The following NRXN1 variants were observed in gnomAD, a reference collection of about 807,000 sequenced individuals.
NRXN1 encodes the protein neurexin-1.
A neutral mutation model predicts 150.9 loss-of-function variants in NRXN1; 39 were observed. The observed-to-expected ratio is 0.26, with a 90% CI of 0.20 to 0.34. The LOEUF (loss-of-function observed/expected upper bound fraction) is 0.34, where lower values mean the gene tolerates loss of function less well. Among genes scored for constraint, NRXN1 ranks in the 10% least tolerant of loss-of-function variants. The probability of loss-of-function intolerance (pLI) is 1.00; values close to 1 mark genes in which losing one functional copy is unlikely to be tolerated. For synonymous variants in NRXN1, 924 were observed against 757.0 expected, an observed-to-expected ratio of 1.22 and a Z score of -3.62; for missense variants, 1,815 against 1,949.9, an observed-to-expected ratio of 0.93 and a Z score of 1.30.
chr2:50,556,344 A>C (rs1668251348), intron 8 of NRXN1, among the ~76,000 whole-genome samples: 1 of 152,086 alleles, frequency 6.6e-6, no homozygotes, highest in Non-Finnish European at 1.5e-5. Context: ...GGAACACCTT[A>C]TAATTATTCA....
intron 2 of NRXN1, among the ~76,000 whole-genome samples, chr2:50,988,581 C>T (rs1391544094): frequency 6.6e-6 from 1 of 151,912 alleles, no homozygotes; most frequent in Non-Finnish European, 1.5e-5. Context: ...TCTAAATCCC[C>T]TCTCCTGTTT....
At chr2:50,245,818 T>C (rs931288989) in intron 17 of NRXN1, among the ~76,000 whole-genome samples, 1 of 151,584 alleles carries the variant, frequency 6.6e-6, no homozygotes, top group African/African-American at 2.4e-5. Context: ...GTGAGTAAAT[T>C]TTCCAATTTA....
At chr2:50,098,802 A>G (rs1700579341) in intron 18 of NRXN1, among the ~76,000 whole-genome samples, 1 of 123,426 alleles carries the variant, frequency 8.1e-6, no homozygotes. Context: ...GGGTTACTAC[A>G]GGGTGCATGG....
chr2:50,063,748 T>C (rs991667047), intron 19 of NRXN1, among the ~76,000 whole-genome samples: 1 of 152,150 alleles, frequency 6.6e-6, no homozygotes, highest in African/African-American at 2.4e-5. Context: ...ATAATCATGA[T>C]CAAAGAAGTT....
chr2:50,573,421 G>A (rs1398887189), intron 8 of NRXN1, among the ~76,000 whole-genome samples: 1 of 151,872 alleles, frequency 6.6e-6, no homozygotes, highest in African/African-American at 2.4e-5. Context: ...GGTCTCAGAT[G>A]AAGGACCTGG....
chr2:50,358,069 T>G (rs1307449152), intron 17 of NRXN1, among the ~76,000 whole-genome samples: 1 of 152,154 alleles, frequency 6.6e-6, no homozygotes, highest in Non-Finnish European at 1.5e-5. Context: ...GCTTTTCCCA[T>G]GGTCTTCACC....
intron 5 of NRXN1, among the ~76,000 whole-genome samples, chr2:50,768,600 T>C (rs1702630593): frequency 6.6e-6 from 1 of 151,906 alleles, no homozygotes; most frequent in South Asian, 2.1e-4. Context: ...TTAGGGTTTC[T>C]ATTTCTTTTC....
intron 21 of NRXN1, among the ~76,000 whole-genome samples, chr2:49,978,148 G>A (rs574907113): frequency 3.9e-5 from 6 of 152,160 alleles, no homozygotes; most frequent in South Asian, 4.1e-4. Flanking sequence ...GTGACAGAGC[G>A]AGACTCCATC....
intron 17 of NRXN1, among the ~76,000 whole-genome samples, chr2:50,422,325 A>G (rs568360893): frequency 2.6e-5 from 4 of 152,296 alleles, no homozygotes; most frequent in South Asian, 2.1e-4. Context: ...AGCCTAGAGT[A>G]AAAACAAAGA....
chr2:50,292,042 C>A (rs895188332), intron 17 of NRXN1, among the ~76,000 whole-genome samples: 1 of 152,134 alleles, frequency 6.6e-6, no homozygotes, highest in African/African-American at 2.4e-5. Flanking sequence ...GGTTACCACC[C>A]TTCAACTTGA....
intron 21 of NRXN1, among the ~76,000 whole-genome samples, chr2:49,948,602 G>GT (rs1673373463): frequency 1.3e-5 from 2 of 151,962 alleles, no homozygotes; most frequent in African/African-American, 4.8e-5. Flanking sequence ...AGTGGCTCAA[G>GT]TGTAGGGGAA....
At chr2:50,105,966 T>A (rs1573942159) in intron 18 of NRXN1, among the ~76,000 whole-genome samples, 1 of 151,980 alleles carries the variant, frequency 6.6e-6, no homozygotes, top group East Asian at 1.9e-4. Context: ...ATTGATCCAT[T>A]AGAAGTAATT....
intron 2 of NRXN1, among the ~76,000 whole-genome samples, chr2:51,002,963 G>C (rs1700257303): frequency 2.0e-5 from 3 of 151,760 alleles, no homozygotes; most frequent in Non-Finnish European, 4.4e-5. Flanking sequence ...TATTCTTCCT[G>C]AGCTTATGAC....
chr2:50,694,457 C>T (rs1692529958), intron 5 of NRXN1, among the ~76,000 whole-genome samples: 1 of 152,142 alleles, frequency 6.6e-6, no homozygotes, highest in Non-Finnish European at 1.5e-5. Context: ...AATAATAAAA[C>T]TCCTTGGAAT....
chr2:50,486,527 T>C (rs13424091), intron 15 of NRXN1, among the ~76,000 whole-genome samples: 8,367 of 152,160 alleles, frequency 0.055, 805 homozygotes, highest in African/African-American at 0.19. Flanking sequence ...CAAAGGGCTG[T>C]TGTGTTAGAG....
chr2:50,494,166 G>A lies in NRXN1; in HGVS notation c.3070+1739C>T, dbSNP rs1008043650. On this transcript the variant is annotated intron_variant, in intron 15 of 22. Coordinates refer to ENST00000401669, the MANE Select transcript of NRXN1 (RefSeq NM_001330078.2). Reference sequence around the variant, plus strand: ...AGAAATACAATCCATTGTCTCACACGGCTTCTCTGGACCCTCAATGTGTAG... The same window carrying A: ...AGAAATACAATCCATTGTCTCACACAGCTTCTCTGGACCCTCAATGTGTAG... 4.6e-5 allele frequency among the ~76,000 whole-genome samples: 7 copies of A among 152,118 alleles called. No homozygotes were observed. In the East Asian group the frequency reaches 9.6e-4, roughly 21 times the overall value.
rs539616971 is a variant in NRXN1, at chr2:50,578,334, C to A, written c.1321-25309G>T. Among the ~76,000 whole-genome samples, 11 of 152,210 alleles carry A rather than the reference C, an allele frequency of 7.2e-5. No homozygotes were observed. The East Asian group carries it at 2.1e-3, about 29-fold the overall frequency. On this transcript the variant is annotated intron_variant, in intron 8 of 22. Transcript: ENST00000401669. ...GTCCACATAGGAAGGGTTAATAAAA[C>A]AACGTTTGATAGGGGTACTTAGGAG...
intron 2 of NRXN1, among the ~76,000 whole-genome samples, chr2:50,956,807 T>G (rs1692357319): frequency 6.6e-6 from 1 of 152,130 alleles, no homozygotes; most frequent in South Asian, 2.1e-4. Flanking sequence ...TTTCGTTTAC[T>G]GGCCTAAATG....
intron 21 of NRXN1, among the ~76,000 whole-genome samples, chr2:50,026,788 A>G (rs1688351006): frequency 6.6e-6 from 1 of 151,420 alleles, no homozygotes; most frequent in African/African-American, 2.4e-5. Context: ...ACTTGAGAGC[A>G]ACTCACAGAA....
Sources: allele counts gnomAD v4.1 joint callset (sites outside exome capture counted in the v4.1 genomes callset), GRCh38; gene constraint gnomAD v4.1.1; transcripts MANE v1.5; gene names NCBI Gene and HGNC (gene_info 2026-07-23, HGNC 2026-07-21).